The following CDC42BPA variants were observed in gnomAD, a reference collection of about 807,000 sequenced individuals.
The protein encoded by CDC42BPA is serine/threonine-protein kinase MRCK alpha.
In CDC42BPA, 80 loss-of-function variants were observed where a neutral mutation model predicts 223.5. The ratio of observed to expected loss-of-function variants is 0.36; its 90% CI spans 0.30 to 0.43. The LOEUF (loss-of-function observed/expected upper bound fraction) is 0.43, where lower values mean the gene tolerates loss of function less well. Among genes scored for constraint, CDC42BPA ranks in the 20% least tolerant of loss-of-function variants. The probability of loss-of-function intolerance (pLI) is 1.00; values close to 1 mark genes in which losing one functional copy is unlikely to be tolerated. For missense variants in CDC42BPA, 1,743 were observed against 2,099.9 expected (o/e 0.83, Z 3.32); for synonymous variants, 694 against 718.6 (o/e 0.97, Z 0.55).
intron 1 of CDC42BPA, among the ~76,000 whole-genome samples, chr1:227,272,685 AGCTAG>A (rs1392981664): frequency 6.6e-6 from 1 of 152,178 alleles, no homozygotes; most frequent in Non-Finnish European, 1.5e-5. Flanking sequence ...CCTCCCTAAT[AGCTAG>A]TATTACAGAT....
At chr1:227,282,426 T>C (rs1429674021) in intron 1 of CDC42BPA, among the ~76,000 whole-genome samples, 1 of 152,162 alleles carries the variant, frequency 6.6e-6, no homozygotes, top group Non-Finnish European at 1.5e-5. Context: ...ATAAAATAAC[T>C]TCCAGTGTTT....
chr1:227,126,254 G>A (rs1057342321), intron 11 of CDC42BPA, among the ~76,000 whole-genome samples: 3 of 152,138 alleles, frequency 2.0e-5, no homozygotes, highest in African/African-American at 7.2e-5. Flanking sequence ...GGGGTGCCAC[G>A]TGCCACAAGG....
At chr1:227,131,085 T>G (rs373414803) in intron 10 of CDC42BPA, among the ~76,000 whole-genome samples, 1 of 152,226 alleles carries the variant, frequency 6.6e-6, no homozygotes, top group African/African-American at 2.4e-5. Context: ...GGATTTTACA[T>G]GTTGTTCTCT....
intron 3 of CDC42BPA, among the ~76,000 whole-genome samples, chr1:227,208,673 T>C (rs10916105): frequency 0.67 from 97,272 of 144,300 alleles, 32,906 homozygotes; most frequent in Non-Finnish European, 0.71. Context: ...TGTAGATATG[T>C]GGCATTATTT....
chr1:227,162,835 C>T (rs1007649823), intron 5 of CDC42BPA, among the ~76,000 whole-genome samples: 2 of 135,028 alleles, frequency 1.5e-5, no homozygotes, highest in African/African-American at 3.2e-5. Flanking sequence ...GAAACTGTCT[C>T]CAAAAGAAAA....
Position 227,077,485 on chromosome 1 carries a change from T to G in CDC42BPA, c.2481-3121A>C, listed in dbSNP as rs574823650. ...GAAACGCTTTGTAATTATTAAACCC[T>G]TCTCCTGGTTCTCCTCTACAGAGCT... On this transcript the variant is annotated intron_variant, in intron 17 of 36. Transcript: ENST00000366766. 5.3e-5 allele frequency among the ~76,000 whole-genome samples: 8 copies of G among 152,286 alleles called. No individual in the cohort carries two copies. In the South Asian group the frequency reaches 1.7e-3, roughly 32 times the overall value.
intron 35 of CDC42BPA, chr1:227,004,475 TGAATA>T (rs1663591164): frequency 6.3e-6 from 1 of 159,972 alleles, no homozygotes; most frequent in African/African-American, 2.4e-5. Context: ...CTTTTCCTTT[TGAATA>T]AAGTAAAAAA....
chr1:227,244,670 A>G (rs1312323890), intron 2 of CDC42BPA, among the ~76,000 whole-genome samples: 1 of 152,244 alleles, frequency 6.6e-6, no homozygotes, highest in Non-Finnish European at 1.5e-5. Flanking sequence ...TGGAACAGCA[A>G]ATTTTAAAAA....
intron 20 of CDC42BPA, among the ~76,000 whole-genome samples, chr1:227,070,595 C>T (rs1678094350): frequency 6.6e-6 from 1 of 151,768 alleles, no homozygotes; most frequent in African/African-American, 2.4e-5. Flanking sequence ...AATAATATAA[C>T]ACAGTTATCA....
chr1:227,153,539 T>C (rs1035433939), intron 6 of CDC42BPA, among the ~76,000 whole-genome samples: 1 of 151,698 alleles, frequency 6.6e-6, no homozygotes, highest in Non-Finnish European at 1.5e-5. Flanking sequence ...AAATAAACAA[T>C]ACTAGGAAAA....
intron 1 of CDC42BPA, among the ~76,000 whole-genome samples, chr1:227,283,189 A>G (rs1688272860): frequency 6.6e-6 from 1 of 152,148 alleles, no homozygotes; most frequent in Non-Finnish European, 1.5e-5. Context: ...ATACAACAGT[A>G]TGTTCCTGGA....
At chr1:227,066,304 C>T (rs35672262) in intron 21 of CDC42BPA, among the ~76,000 whole-genome samples, 15,062 of 151,732 alleles carry the variant, frequency 0.099, 1,074 homozygotes, top group Non-Finnish European at 0.15. Flanking sequence ...GCAGGAGAAT[C>T]GCTTGAACCT....
At chr1:227,264,769 C>CTT in intron 1 of CDC42BPA, 1 of 958,324 alleles carries the variant, frequency 1.0e-6, no homozygotes, top group East Asian at 2.4e-5. Context: ...GTCTTCCAAG[C>CTT]TTTAAAGAAT....
At chr1:227,242,524 A>G (rs764557125) in intron 2 of CDC42BPA, among the ~76,000 whole-genome samples, 2 of 152,138 alleles carry the variant, frequency 1.3e-5, no homozygotes, top group African/African-American at 4.8e-5. Context: ...TTATGTACAA[A>G]CTAGAAGAAG....
intron 1 of CDC42BPA, among the ~76,000 whole-genome samples, chr1:227,264,557 G>A (rs1289241320): frequency 6.9e-6 from 1 of 144,342 alleles, no homozygotes; most frequent in East Asian, 1.9e-4. Context: ...GAGAGTTAAT[G>A]ATTTAGTTGG....
At chr1:227,309,938 G>C (rs1223683703) in intron 1 of CDC42BPA, among the ~76,000 whole-genome samples, 1 of 152,088 alleles carries the variant, frequency 6.6e-6, no homozygotes, top group East Asian at 1.9e-4. Context: ...TTATCTTTCA[G>C]TGCACATGAC....
Position 227,208,050 on chromosome 1 carries a change from T to C in CDC42BPA, c.354+5086A>G, listed in dbSNP as rs558923773. ...CTGTTGTTTCCTGACTTTTTAATGA[T>C]TGCCATTCTAACTGGTGTGAGATGG... is the stretch of plus-strand genomic sequence containing the variant. On this transcript the variant is annotated intron_variant, in intron 3 of 36. Transcript: ENST00000366766. Among the ~76,000 whole-genome samples the C allele has an allele frequency of 2.8e-4, 23 of 82,250 alleles. 1 individual carries two copies. The South Asian group carries it at 9.2e-3, about 33-fold the overall frequency. 54.0% of individuals were successfully genotyped at this position (82,250 alleles called of 152,430 possible).
chr1:227,297,441 T>C (rs915292793), intron 1 of CDC42BPA, among the ~76,000 whole-genome samples: 1 of 152,112 alleles, frequency 6.6e-6, no homozygotes, highest in African/African-American at 2.4e-5. Flanking sequence ...TAAGCATATA[T>C]GCAAAAGAGT....
intron 22 of CDC42BPA, among the ~76,000 whole-genome samples, chr1:227,051,527 A>G (rs983304050): frequency 1.3e-5 from 2 of 152,178 alleles, no homozygotes; most frequent in African/African-American, 4.8e-5. Flanking sequence ...ATCATGACCT[A>G]TTACATTTAT....
Sources: allele counts gnomAD v4.1 joint callset (sites outside exome capture counted in the v4.1 genomes callset), GRCh38; gene constraint gnomAD v4.1.1; transcripts MANE v1.5; gene names NCBI Gene and HGNC (gene_info 2026-07-23, HGNC 2026-07-21).